Variants in SHISA9 observed in about 807,000 individuals in gnomAD.
The protein encoded by SHISA9 is protein shisa-9.
Under a neutral mutation model 38.0 loss-of-function variants are expected in SHISA9, and 13 were observed. The ratio of observed to expected loss-of-function variants is 0.34; its 90% CI spans 0.22 to 0.54. The LOEUF (loss-of-function observed/expected upper bound fraction) is 0.54. Ranked by LOEUF, SHISA9 falls within the 20% of genes least tolerant of loss-of-function variation. SHISA9 has a pLI of 0.91. For synonymous variants in SHISA9, 275 were observed against 242.0 expected (o/e 1.14, Z -1.27); for missense variants, 538 against 575.8 (o/e 0.93, Z 0.67).
chr16:13,273,932 T>C, the SHISA9 span, among the ~76,000 whole-genome samples: 38,701 of 152,076 alleles, frequency 0.25, 5,178 homozygotes, highest in Non-Finnish European at 0.3. Flanking sequence ...ATCAGAGAGT[T>C]GGTAGGAACT....
intron 2 of SHISA9, among the ~76,000 whole-genome samples, chr16:13,035,949 A>C (rs2073055469): frequency 1.3e-5 from 2 of 152,224 alleles, no homozygotes; most frequent in Admixed American, 1.3e-4. Context: ...TTAAAACCAC[A>C]ATAAGATACC....
the SHISA9 span, among the ~76,000 whole-genome samples, chr16:13,297,906 G>T: frequency 6.6e-6 from 1 of 152,090 alleles, no homozygotes; most frequent in African/African-American, 2.4e-5. Context: ...AGAGTCATGC[G>T]CCACCACGTC....
the SHISA9 span, among the ~76,000 whole-genome samples, chr16:13,513,314 C>T: frequency 3.9e-5 from 6 of 152,002 alleles, no homozygotes; most frequent in African/African-American, 1.2e-4. Context: ...GTCAGAATGG[C>T]AATTATTAAA....
the SHISA9 span, among the ~76,000 whole-genome samples, chr16:13,473,333 TTTTC>T: frequency 1.3e-3 from 190 of 149,016 alleles, 2 homozygotes; most frequent in South Asian, 0.013. Context: ...TTACTTTTTC[TTTTC>T]TTTCTTTCTT....
the SHISA9 span, among the ~76,000 whole-genome samples, chr16:13,326,317 C>A: frequency 1.3e-5 from 2 of 152,156 alleles, no homozygotes; most frequent in East Asian, 1.9e-4. Context: ...CTGTGTAGTA[C>A]AGATAAGTTG....
intron 2 of SHISA9, among the ~76,000 whole-genome samples, chr16:13,187,328 CTTTTTTTTTTTTTT>C (rs372286181): frequency 1.4e-4 from 13 of 90,714 alleles, no homozygotes; most frequent in South Asian, 4.5e-4. Flanking sequence ...CTTTTCTTTT[CTTTTTTTTTTTTTT>C]TTTTTTTTTT....
chr16:13,537,342 C>G, the SHISA9 span, among the ~76,000 whole-genome samples: 29 of 151,468 alleles, frequency 1.9e-4, no homozygotes, highest in South Asian at 8.3e-4. Context: ...GCAGAAGAAT[C>G]ACTTAAACTT....
chr16:13,166,377 T>G (rs770782473), intron 2 of SHISA9, among the ~76,000 whole-genome samples: 24 of 152,208 alleles, frequency 1.6e-4, no homozygotes, highest in Non-Finnish European at 3.1e-4. Flanking sequence ...TTCATGTTAC[T>G]CACCACTTAA....
chr16:13,454,763 T>C, the SHISA9 span, among the ~76,000 whole-genome samples: 1 of 152,184 alleles, frequency 6.6e-6, no homozygotes, highest in Non-Finnish European at 1.5e-5. Context: ...AATCATCTTT[T>C]CTATATTCCA....
intron 2 of SHISA9, among the ~76,000 whole-genome samples, chr16:13,034,761 G>A (rs1014211127): frequency 2.6e-5 from 4 of 152,220 alleles, no homozygotes; most frequent in African/African-American, 9.6e-5. Context: ...GAACGCTTGT[G>A]TGTTTCTTCT....
intron 1 of SHISA9, among the ~76,000 whole-genome samples, chr16:12,913,060 T>TAA (rs57070970): frequency 1.3e-5 from 2 of 151,304 alleles, no homozygotes; most frequent in South Asian, 2.1e-4. Flanking sequence ...ATTTGTAACT[T>TAA]AAAAAAAAAG....
intron 2 of SHISA9, among the ~76,000 whole-genome samples, chr16:13,045,322 A>T (rs1438403504): frequency 6.6e-6 from 1 of 152,166 alleles, no homozygotes; most frequent in African/African-American, 2.4e-5. Context: ...GTACAGACAG[A>T]TGACTAGTTT....
chr16:13,239,656 C>T lies in SHISA9; in HGVS notation c.*4247C>T, dbSNP rs1171523744. On this transcript the variant is annotated 3_prime_UTR_variant, in exon 5 of 5. Coordinates refer to ENST00000558583, the MANE Select transcript of SHISA9 (RefSeq NM_001145204.3). Reference sequence around the variant, plus strand: ...TCTTTTGAGAAGTGTCTGTTCATATCCTTCGCCCACTTTTTGATGGGGTTG... The same window carrying T: ...TCTTTTGAGAAGTGTCTGTTCATATTCTTCGCCCACTTTTTGATGGGGTTG... The T allele has an allele frequency of 6.6e-6, 1 of 152,114 alleles. No individual in the cohort carries two copies. Among genetic ancestry groups the T allele is most frequent in the Non-Finnish European group, 1.5e-5 (1 of 68,024 alleles). 9.4% of individuals were successfully genotyped at this position (152,114 alleles called of 1,614,324 possible).
chr16:13,421,466 G>A, the SHISA9 span, among the ~76,000 whole-genome samples: 2 of 152,080 alleles, frequency 1.3e-5, no homozygotes, highest in East Asian at 1.9e-4. Context: ...ATCAGATCTC[G>A]TGAGACTTAT....
At chr16:13,224,017 C>T (rs1470196528) in intron 4 of SHISA9, among the ~76,000 whole-genome samples, 1 of 152,240 alleles carries the variant, frequency 6.6e-6, no homozygotes, top group Admixed American at 6.5e-5. Flanking sequence ...CTCTGAGCCT[C>T]AGTTTCCCTA....
the SHISA9 span, among the ~76,000 whole-genome samples, chr16:13,456,683 C>T: frequency 0.5 from 75,500 of 152,046 alleles, 19,715 homozygotes; most frequent in South Asian, 0.76. Flanking sequence ...TTAGGCCATA[C>T]GTTATCAGTT....
chr16:13,098,851 G>T (rs141498351), intron 2 of SHISA9, among the ~76,000 whole-genome samples: 11 of 152,300 alleles, frequency 7.2e-5, no homozygotes, highest in South Asian at 2.1e-4. Context: ...CTAGATCTGC[G>T]GTCTTGGGCA....
At chr16:12,937,811 A>G (rs564132089) in intron 2 of SHISA9, among the ~76,000 whole-genome samples, 2 of 152,304 alleles carry the variant, frequency 1.3e-5, no homozygotes, top group South Asian at 4.1e-4. Flanking sequence ...GTTTCAACAT[A>G]TGAATTTTGA....
At chr16:13,051,086 C>CATTA (rs1323235997) in intron 2 of SHISA9, among the ~76,000 whole-genome samples, 1 of 152,178 alleles carries the variant, frequency 6.6e-6, no homozygotes, top group African/African-American at 2.4e-5. Context: ...ATGCATCCTA[C>CATTA]TGAGTACGTA....
Sources: gnomAD v4.1 joint callset for allele counts (sites outside exome capture counted in the v4.1 genomes callset) on GRCh38, gnomAD v4.1.1 for gene constraint, MANE v1.5 for transcripts, NCBI Gene and HGNC (gene_info 2026-07-23, HGNC 2026-07-21) for gene names.